The following CEP128 variants were observed in gnomAD, a reference collection of about 807,000 sequenced individuals.
The protein encoded by CEP128 is centrosomal protein 128, also known as centrosomal protein 128kDa.
Under a neutral mutation model 156.7 loss-of-function variants are expected in CEP128, and 132 were observed. That is an observed-to-expected ratio of 0.84 (90% CI 0.73 to 0.97). The LOEUF (loss-of-function observed/expected upper bound fraction) is 0.97, where lower values mean the gene tolerates loss of function less well. CEP128 is among the 50% of genes least tolerant of loss of function. The pLI, the probability that CEP128 is intolerant of heterozygous loss-of-function variation, is 0.00. For missense variants in CEP128, 1,252 were observed against 1,281.9 expected, an observed-to-expected ratio of 0.98 and a Z score of 0.36; for synonymous variants, 469 against 448.9, an observed-to-expected ratio of 1.04 and a Z score of -0.57.
At chr14:80,653,727 C>T (rs1895011981) in intron 19 of CEP128, among the ~76,000 whole-genome samples, 1 of 152,058 alleles carries the variant, frequency 6.6e-6, no homozygotes, top group Admixed American at 6.6e-5. Context: ...CCGTCCATGT[C>T]TATAAATTAA....
chr14:80,634,173 T>C (rs1253408937), intron 19 of CEP128, among the ~76,000 whole-genome samples: 1 of 152,214 alleles, frequency 6.6e-6, no homozygotes, highest in East Asian at 1.9e-4. Flanking sequence ...TCATGATTAA[T>C]TGGTGTTTAA....
At chr14:80,632,084 G>A (rs2140731957) in intron 19 of CEP128, among the ~76,000 whole-genome samples, 1 of 152,088 alleles carries the variant, frequency 6.6e-6, no homozygotes, top group Non-Finnish European at 1.5e-5. Context: ...CTTCTATAAT[G>A]TATAAAATTA....
chr14:80,492,434 G>A (rs1887355292), downstream of CEP128, among the ~76,000 whole-genome samples: 2 of 152,116 alleles, frequency 1.3e-5, 1 homozygote, highest in South Asian at 4.1e-4. Context: ...TACATGCACA[G>A]GACAAGTGAG....
intron 8 of CEP128, among the ~76,000 whole-genome samples, chr14:80,863,713 A>T (rs545048579): frequency 6.6e-6 from 1 of 152,210 alleles, no homozygotes; most frequent in Non-Finnish European, 1.5e-5. Flanking sequence ...TTTGTCACCA[A>T]TTATTTATAT....
rs925022043 is a variant in CEP128, at chr14:80,899,926, G to A, written c.572+12C>T. The A allele has an allele frequency of 1.3e-6, 2 of 1,587,436 alleles. No homozygotes were observed. The highest frequency in any genetic ancestry group is 2.7e-5 in the African/African-American group (2 of 74,292). Reference sequence around the variant, plus strand: ...ATTTATCCCTCCCATAAAAACCATAGGCTGCTTTTACCGGCTCCTTCTGGA... The same window carrying A: ...ATTTATCCCTCCCATAAAAACCATAAGCTGCTTTTACCGGCTCCTTCTGGA... On this transcript the variant is annotated intron_variant, in intron 7 of 24. Transcript: ENST00000555265.
At chr14:80,931,264 C>G (rs1183673713) in intron 2 of CEP128, among the ~76,000 whole-genome samples, 1 of 152,120 alleles carries the variant, frequency 6.6e-6, no homozygotes, top group Non-Finnish European at 1.5e-5. Flanking sequence ...GCTGCCATGA[C>G]TGAACGGCTT....
At chr14:80,749,185 A>T (rs1899259260) in intron 18 of CEP128, among the ~76,000 whole-genome samples, 1 of 152,048 alleles carries the variant, frequency 6.6e-6, no homozygotes, top group Non-Finnish European at 1.5e-5. Flanking sequence ...AGAAAAAAAG[A>T]CTCTGCCTGG....
rs1309552976 is a variant in CEP128, at chr14:80,718,905, A to T, written c.2806+24170T>A. 2.0e-5 allele frequency among the ~76,000 whole-genome samples: 3 copies of T among 152,092 alleles called. No homozygotes were observed. In the East Asian group the frequency reaches 5.8e-4, roughly 29 times the overall value. ...AGTGTTGGCTTAGTTCTCTGCTATC[A>T]CTGACAGTTTTCTCTTCTTCACATG... On this transcript the variant is annotated intron_variant, in intron 19 of 24. Transcript: ENST00000555265.
chr14:80,843,243 C>A (rs751810379), intron 9 of CEP128, among the ~76,000 whole-genome samples: 4 of 151,948 alleles, frequency 2.6e-5, no homozygotes, highest in Non-Finnish European at 5.9e-5. Context: ...AATGGACCAG[C>A]AAGCTTGGTT....
chr14:80,673,723 C>CTA, intron 19 of CEP128, among the ~76,000 whole-genome samples: 1 of 148,926 alleles, frequency 6.7e-6, no homozygotes, highest in South Asian at 2.1e-4. Context: ...CGCTTACAAC[C>CTA]TATAATCCTG....
At chr14:80,943,792 G>A (rs888194883), upstream of CEP128, among the ~76,000 whole-genome samples, 7 of 151,992 alleles carry the variant, frequency 4.6e-5, no homozygotes, top group East Asian at 3.9e-4. Context: ...TCAGGAGTTC[G>A]AGACCAGCCT....
chr14:80,550,175 C>A (rs1054987792), intron 21 of CEP128, among the ~76,000 whole-genome samples: 6 of 152,124 alleles, frequency 3.9e-5, no homozygotes, highest in Non-Finnish European at 8.8e-5. Context: ...GGATTTACCC[C>A]ATTTTAAGTT....
intron 21 of CEP128, among the ~76,000 whole-genome samples, chr14:80,540,984 T>C (rs1421135055): frequency 6.6e-6 from 1 of 152,158 alleles, no homozygotes; most frequent in Non-Finnish European, 1.5e-5. Flanking sequence ...CCACAAAATG[T>C]TTTCTCTAAT....
intron 19 of CEP128, among the ~76,000 whole-genome samples, chr14:80,584,135 C>T (rs111429644): frequency 4.7e-5 from 7 of 147,928 alleles, no homozygotes; most frequent in African/African-American, 1.8e-4. Context: ...TCAGGGCGTC[C>T]GTGACATTTT....
At chr14:80,601,707 T>C (rs1892588402) in intron 19 of CEP128, among the ~76,000 whole-genome samples, 1 of 152,202 alleles carries the variant, frequency 6.6e-6, no homozygotes, top group African/African-American at 2.4e-5. Flanking sequence ...ATACTAAGTA[T>C]TTGTATATTT....
intron 13 of CEP128, among the ~76,000 whole-genome samples, chr14:80,808,916 G>A (rs1156254685): frequency 6.6e-6 from 1 of 152,044 alleles, no homozygotes; most frequent in African/African-American, 2.4e-5. Flanking sequence ...CAACTATTAC[G>A]ACAGATATAC....
In CEP128 at chr14:80,854,390, C is replaced by T. The variant is rs916496549; in HGVS notation, c.762+8367G>A. 1.3e-5 allele frequency among the ~76,000 whole-genome samples: 2 copies of T among 152,168 alleles called. 1 individual carries two copies. The highest frequency in any genetic ancestry group is 1.3e-4 in the Admixed American group (2 of 15,276). ...AAAAAACAAGAAGCAGAAATGTATA[C>T]TAAATGTGATCTCATTTTCTAAAAA... is the stretch of plus-strand genomic sequence containing the variant. On this transcript the variant is annotated intron_variant, in intron 9 of 24. Coordinates refer to ENST00000555265, the MANE Select transcript of CEP128 (RefSeq NM_152446.5).
intron 13 of CEP128, among the ~76,000 whole-genome samples, chr14:80,814,947 A>T (rs1595444835): frequency 2.0e-5 from 3 of 152,126 alleles, no homozygotes; most frequent in African/African-American, 7.2e-5. Context: ...AATCCCTGCT[A>T]CTCAGGAGGC....
chr14:80,612,318 T>A (rs1288683379), intron 19 of CEP128, among the ~76,000 whole-genome samples: 1 of 152,162 alleles, frequency 6.6e-6, no homozygotes, highest in Non-Finnish European at 1.5e-5. Context: ...GAGAAATGAA[T>A]GTAGATAGAT....
Sources: gnomAD v4.1 joint callset for allele counts (sites outside exome capture counted in the v4.1 genomes callset) on GRCh38, gnomAD v4.1.1 for gene constraint, MANE v1.5 for transcripts, NCBI Gene and HGNC (gene_info 2026-07-23, HGNC 2026-07-21) for gene names.